ARHGAP42: variants seen among roughly 807,000 people sequenced by gnomAD.
ARHGAP42 encodes the protein rho GTPase-activating protein 42.
A neutral mutation model predicts 125.0 loss-of-function variants in ARHGAP42; 63 were observed. The observed-to-expected ratio is 0.50, with a 90% CI of 0.41 to 0.62. The LOEUF (loss-of-function observed/expected upper bound fraction) is 0.62. Among genes scored for constraint, ARHGAP42 ranks in the 20% least tolerant of loss-of-function variants. The pLI, the probability that ARHGAP42 is intolerant of heterozygous loss-of-function variation, is 0.00. For synonymous variants in ARHGAP42, 339 were observed against 351.0 expected (o/e 0.97, Z 0.38); for missense variants, 766 against 1,024.2 (o/e 0.75, Z 3.44).
chr11:100,698,604 C>G (rs188593869), intron 1 of ARHGAP42, among the ~76,000 whole-genome samples: 7 of 152,168 alleles, frequency 4.6e-5, no homozygotes, highest in African/African-American at 1.7e-4. Context: ...TCACTTGAAC[C>G]TGGGAGGCGG....
chr11:100,892,968 T>C (rs751260738), intron 4 of ARHGAP42, among the ~76,000 whole-genome samples: 1 of 152,218 alleles, frequency 6.6e-6, no homozygotes, highest in Non-Finnish European at 1.5e-5. Context: ...GTGGTCACCA[T>C]GTGACACACT....
chr11:100,920,182 A>G (rs1046977535), intron 5 of ARHGAP42, among the ~76,000 whole-genome samples: 8 of 152,134 alleles, frequency 5.3e-5, no homozygotes, highest in African/African-American at 1.9e-4. Context: ...CACATTTATT[A>G]GCTTAAAAAT....
Position 100,822,320 on chromosome 11 carries a change from A to T in ARHGAP42, c.312+27154A>T, listed in dbSNP as rs116826645. 6.6e-3 allele frequency among the ~76,000 whole-genome samples: 1,006 copies of T among 152,128 alleles called. 10 individuals carry two copies. Among genetic ancestry groups the T allele is most frequent in the African/African-American group, 0.023 (934 of 41,482 alleles). ...GACTATTTTTCAACGTTAAAAAAAA[A>T]TTTTTCTATCATTAGTGTCCAAATG... On this transcript the variant is annotated intron_variant, in intron 3 of 23. Transcript: ENST00000298815.
At chr11:100,734,225 G>A (rs143738234) in intron 1 of ARHGAP42, among the ~76,000 whole-genome samples, 1 of 151,514 alleles carries the variant, frequency 6.6e-6, no homozygotes, top group Non-Finnish European at 1.5e-5. Flanking sequence ...GAGCCACCGC[G>A]CCTGGCCCAA....
intron 2 of ARHGAP42, among the ~76,000 whole-genome samples, chr11:100,779,920 G>C (rs887096898): frequency 6.6e-6 from 1 of 151,670 alleles, no homozygotes; most frequent in East Asian, 1.9e-4. Flanking sequence ...CAGCTACTCG[G>C]GAGGCTGAGG....
intron 3 of ARHGAP42, among the ~76,000 whole-genome samples, chr11:100,841,672 T>C (rs563881256): frequency 7.7e-4 from 117 of 152,274 alleles, no homozygotes; most frequent in African/African-American, 2.7e-3. Context: ...ATGCTAGCCT[T>C]CTTTTCATTT....
chr11:100,769,815 C>T (rs1862930056), intron 1 of ARHGAP42, among the ~76,000 whole-genome samples: 1 of 141,522 alleles, frequency 7.1e-6, no homozygotes. Context: ...TACACTGGGG[C>T]CTGTTTGGCC....
At chr11:100,696,164 G>T (rs116199324) in intron 1 of ARHGAP42, among the ~76,000 whole-genome samples, 2 of 152,176 alleles carry the variant, frequency 1.3e-5, no homozygotes, top group African/African-American at 4.8e-5. Flanking sequence ...GGTTGAGGAT[G>T]CAGTGAACCA....
At chr11:100,879,016 A>C (rs1048234470) in intron 4 of ARHGAP42, among the ~76,000 whole-genome samples, 1 of 152,032 alleles carries the variant, frequency 6.6e-6, no homozygotes, top group African/African-American at 2.4e-5. Context: ...GACATGAACA[A>C]ATATTTAGTG....
At chr11:100,790,519 T>C (rs1863540644) in intron 2 of ARHGAP42, among the ~76,000 whole-genome samples, 1 of 152,216 alleles carries the variant, frequency 6.6e-6, no homozygotes, top group Non-Finnish European at 1.5e-5. Context: ...GGGAGAGAGA[T>C]TACTACTGAA....
intron 12 of ARHGAP42, among the ~76,000 whole-genome samples, chr11:100,958,034 C>T (rs2135294913): frequency 1.3e-5 from 2 of 151,922 alleles, no homozygotes; most frequent in Non-Finnish European, 1.5e-5. Flanking sequence ...CCTCTAGTAC[C>T]AAACATTTTA....
chr11:100,941,779 A>G lies in ARHGAP42; in HGVS notation c.833-5A>G, dbSNP rs536676046. The G allele has an allele frequency of 1.3e-6, 2 of 1,501,500 alleles. No homozygotes were observed. The highest frequency in any genetic ancestry group is 2.5e-5 in the East Asian group (1 of 40,058). 93.0% of individuals were successfully genotyped at this position (1,501,500 alleles called of 1,614,324 possible). A position where few individuals can be genotyped will look rare whatever the true frequency, so the allele number is the denominator to read the frequency against. ...ATCTGAAATTTTTTTGTTTCCTTAC[A>G]TTAGGACCGCTTGGTTTTACATGGA... On this transcript the variant is annotated splice_region_variant and splice_polypyrimidine_tract_variant and intron_variant, in intron 8 of 23. Coordinates refer to ENST00000298815, the MANE Select transcript of ARHGAP42 (RefSeq NM_152432.4).
At chr11:100,851,892 T>C (rs1472659978) in intron 3 of ARHGAP42, among the ~76,000 whole-genome samples, 1 of 152,178 alleles carries the variant, frequency 6.6e-6, no homozygotes, top group African/African-American at 2.4e-5. Flanking sequence ...TGATTGGTAG[T>C]GCTTGCTGAT....
rs772609396 is a variant in ARHGAP42, at chr11:100,800,333, C to G, written c.312+5167C>G. 3.5e-4 allele frequency among the ~76,000 whole-genome samples: 54 copies of G among 152,254 alleles called. 1 individual carries two copies. The highest frequency in any genetic ancestry group is 5.0e-4 in the Non-Finnish European group (34 of 68,016). On this transcript the variant is annotated intron_variant, in intron 3 of 23. Coordinates refer to ENST00000298815, the MANE Select transcript of ARHGAP42 (RefSeq NM_152432.4). The stretch of plus-strand genomic sequence containing the variant: ...ACTACTTAGTGATGTTGAAGGTTCA[C>G]TGGGAACAGAGGGGAGTTGGAAGAC...
At chr11:100,819,492 G>A (rs1864355020) in intron 3 of ARHGAP42, among the ~76,000 whole-genome samples, 1 of 152,142 alleles carries the variant, frequency 6.6e-6, no homozygotes, top group Non-Finnish European at 1.5e-5. Flanking sequence ...ATTGCAGATA[G>A]TAGGAAATTT....
chr11:100,781,092 C>T (rs910396255), intron 2 of ARHGAP42, among the ~76,000 whole-genome samples: 3 of 152,018 alleles, frequency 2.0e-5, no homozygotes, highest in Non-Finnish European at 4.4e-5. Flanking sequence ...GTTTCTCTAA[C>T]TTATGTTAAA....
intron 1 of ARHGAP42, among the ~76,000 whole-genome samples, chr11:100,708,987 C>T (rs975508186): frequency 7.9e-5 from 12 of 152,080 alleles, no homozygotes; most frequent in Non-Finnish European, 1.6e-4. Context: ...TCTCAAATAC[C>T]TTGTACTATA....
In ARHGAP42 at chr11:100,927,214, A is replaced by T. The variant is rs552269626; in HGVS notation, c.597+5610A>T. Among the ~76,000 whole-genome samples the T allele has an allele frequency of 1.6e-3, 248 of 152,288 alleles. 3 individuals are homozygous for T. The highest frequency in any genetic ancestry group is 5.8e-3 in the African/African-American group (241 of 41,566). On this transcript the variant is annotated intron_variant, in intron 6 of 23. Coordinates refer to ENST00000298815, the MANE Select transcript of ARHGAP42 (RefSeq NM_152432.4). Reference sequence around the variant, plus strand: ...TTTGAGATTGAAATGCTACTGGCTAAGTCTTTTTTAAAAGTCCATCAGCTA... The same window carrying T: ...TTTGAGATTGAAATGCTACTGGCTATGTCTTTTTTAAAAGTCCATCAGCTA...
intron 1 of ARHGAP42, among the ~76,000 whole-genome samples, chr11:100,717,170 T>C (rs1335937495): frequency 1.3e-5 from 2 of 152,218 alleles, no homozygotes; most frequent in Admixed American, 6.5e-5. Flanking sequence ...ATTTAGTATT[T>C]ACTCTGCATG....
Sources: gnomAD v4.1 joint callset for allele counts (sites outside exome capture counted in the v4.1 genomes callset) on GRCh38, gnomAD v4.1.1 for gene constraint, MANE v1.5 for transcripts, NCBI Gene and HGNC (gene_info 2026-07-23, HGNC 2026-07-21) for gene names.